Variants in PTPRK observed in about 807,000 individuals in gnomAD.
PTPRK encodes the protein receptor-type tyrosine-protein phosphatase kappa.
PTPRK carries 75 observed loss-of-function variants against 178.0 expected under a neutral mutation model. That is an observed-to-expected ratio of 0.42 (90% confidence interval 0.35 to 0.51). The LOEUF (loss-of-function observed/expected upper bound fraction) is 0.51. Among genes scored for constraint, PTPRK ranks in the 20% least tolerant of loss-of-function variants. The pLI, the probability that PTPRK is intolerant of heterozygous loss-of-function variation, is 0.02. For missense variants in PTPRK, 1,441 were observed against 1,797.8 expected (o/e 0.80, Z 3.59); for synonymous variants, 637 against 620.6 (o/e 1.03, Z -0.39).
chr6:128,290,313 C>CA (rs1411906135), intron 3 of PTPRK, among the ~76,000 whole-genome samples: 2 of 151,794 alleles, frequency 1.3e-5, no homozygotes, highest in South Asian at 2.1e-4. Context: ...AGCTAGCATC[C>CA]AAAAAAACCC....
chr6:128,334,175 T>C (rs983648190), intron 2 of PTPRK, among the ~76,000 whole-genome samples: 1 of 152,116 alleles, frequency 6.6e-6, no homozygotes, highest in African/African-American at 2.4e-5. Context: ...CAGATATAAT[T>C]AACAATAATC....
chr6:128,211,576 A>C (rs753610770), intron 6 of PTPRK, among the ~76,000 whole-genome samples: 5 of 152,108 alleles, frequency 3.3e-5, no homozygotes, highest in Non-Finnish European at 7.4e-5. Context: ...CTTCTACATA[A>C]CATTTTATGC....
intron 15 of PTPRK, among the ~76,000 whole-genome samples, chr6:127,999,565 G>C (rs113875433): frequency 6.6e-6 from 1 of 151,958 alleles, no homozygotes; most frequent in Non-Finnish European, 1.5e-5. Flanking sequence ...TCTTGGCCAC[G>C]CTGCGAGAGA....
At chr6:128,461,327 T>G (rs979434249) in intron 1 of PTPRK, among the ~76,000 whole-genome samples, 82 of 152,134 alleles carry the variant, frequency 5.4e-4, no homozygotes, top group African/African-American at 1.9e-3. Flanking sequence ...TATAAAGGAA[T>G]AAACTGAAGC....
intron 1 of PTPRK, among the ~76,000 whole-genome samples, chr6:128,478,057 G>T (rs1225751182): frequency 6.6e-6 from 1 of 152,110 alleles, no homozygotes; most frequent in Non-Finnish European, 1.5e-5. Flanking sequence ...CTCATTGAAA[G>T]AGAGGGTTTG....
intron 11 of PTPRK, among the ~76,000 whole-genome samples, chr6:128,075,007 A>AG (rs1368071099): frequency 6.6e-6 from 1 of 152,002 alleles, no homozygotes. Flanking sequence ...CAAAAAACAA[A>AG]ACCTTGAATT....
At chr6:128,298,938 T>C (rs954917945) in intron 3 of PTPRK, among the ~76,000 whole-genome samples, 2 of 152,178 alleles carry the variant, frequency 1.3e-5, no homozygotes, top group African/African-American at 4.8e-5. Flanking sequence ...TTGTCCCTGT[T>C]TGCAGACGAC....
At chr6:127,972,304 C>G (rs1274500576) in intron 29 of PTPRK, among the ~76,000 whole-genome samples, 2 of 152,228 alleles carry the variant, frequency 1.3e-5, no homozygotes, top group Non-Finnish European at 1.5e-5. Flanking sequence ...CACTACACAG[C>G]TGCTCCCAAC....
At chr6:128,102,673 T>C (rs934020365) in intron 7 of PTPRK, among the ~76,000 whole-genome samples, 16 of 152,200 alleles carry the variant, frequency 1.1e-4, no homozygotes, top group Non-Finnish European at 2.2e-4. Flanking sequence ...TGAATGTTAA[T>C]CTCCAGCTAA....
In PTPRK at chr6:128,030,112, T is replaced by C. The variant is rs140257339; in HGVS notation, c.2195-20844A>G. 3.5e-3 allele frequency among the ~76,000 whole-genome samples: 523 copies of C among 151,312 alleles called. 3 individuals carry two copies. Among genetic ancestry groups the C allele is most frequent in the African/African-American group, 0.011 (469 of 41,440 alleles). ...GGCTTTTTGTATTCCCCATGTCAGT[T>C]AGTCATCAGATATGAGCTGATAGTG... is the stretch of plus-strand genomic sequence containing the variant. On this transcript the variant is annotated intron_variant, in intron 13 of 29. Coordinates refer to ENST00000368226, the MANE Select transcript of PTPRK (RefSeq NM_002844.4).
intron 1 of PTPRK, among the ~76,000 whole-genome samples, chr6:128,516,897 T>G (rs776188087): frequency 6.6e-6 from 1 of 151,724 alleles, no homozygotes; most frequent in Non-Finnish European, 1.5e-5. Context: ...GGAATGTTAA[T>G]AGTGACTCTT....
At chr6:128,245,071 G>T (rs1815207003) in intron 3 of PTPRK, among the ~76,000 whole-genome samples, 1 of 152,116 alleles carries the variant, frequency 6.6e-6, no homozygotes, top group East Asian at 1.9e-4. Context: ...CCAAGCTACA[G>T]TCACACACAT....
At position 127,982,815 on chromosome 6, in the gene PTPRK, T is replaced by C; in HGVS notation, c.3537+16A>G. 1 of 1,594,632 alleles carries C rather than the reference T, an allele frequency of 6.3e-7. No individual in the cohort carries two copies. Among genetic ancestry groups the C allele is most frequent in the South Asian group, 1.1e-5 (1 of 88,804 alleles). On this transcript the variant is annotated intron_variant, in intron 24 of 29. Coordinates refer to ENST00000368226, the MANE Select transcript of PTPRK (RefSeq NM_002844.4). ...TTGTAGTAAGTCACAAAAGAGGTTT[T>C]AGAAATAGTTAATACCTGAAATTCA...
intron 3 of PTPRK, among the ~76,000 whole-genome samples, chr6:128,318,535 C>A (rs1009557001): frequency 6.6e-6 from 1 of 152,066 alleles, no homozygotes; most frequent in Admixed American, 6.6e-5. Flanking sequence ...TATCACATTC[C>A]AATTTCTGGA....
chr6:128,361,129 G>A (rs1834683223), intron 2 of PTPRK, among the ~76,000 whole-genome samples: 1 of 151,978 alleles, frequency 6.6e-6, no homozygotes, highest in South Asian at 2.1e-4. Context: ...TAGTTTATAG[G>A]GATTCCAGAA....
At chr6:128,123,922 C>G (rs1379870369) in intron 7 of PTPRK, among the ~76,000 whole-genome samples, 1 of 152,146 alleles carries the variant, frequency 6.6e-6, no homozygotes, top group Non-Finnish European at 1.5e-5. Context: ...CATCATACCA[C>G]AGCAAGAGCG....
At chr6:128,486,972 A>G (rs187865601) in intron 1 of PTPRK, among the ~76,000 whole-genome samples, 2 of 151,800 alleles carry the variant, frequency 1.3e-5, no homozygotes, top group East Asian at 3.9e-4. Context: ...AAAAGAAAAA[A>G]TGTATTGACT....
In PTPRK at chr6:128,067,592, C is replaced by A; in HGVS notation, c.2084G>T (p.Gly695Val). 1 of 1,612,820 alleles carries A rather than the reference C, an allele frequency of 6.2e-7. No homozygotes were observed. Among genetic ancestry groups the A allele is most frequent in the Non-Finnish European group, 8.5e-7 (1 of 1,179,154 alleles). The part of the protein sequence containing the change: ...FTVGDNRTYQ[G>V]FWNPPLAPRK... ...CGGAGCCAAAGGAGGGTTCCAAAAG[C>A]CTTGGTAGGTCCGATTGTCACCCAC... Residue 695 changes from glycine to valine, a missense_variant, in exon 12 of 30, where the codon GGC becomes GTC. Around this residue, in one of 4 missense-constraint regions of PTPRK, gnomAD observed 945 missense variants for 1,080.6 expected, o/e 0.87. Coordinates refer to ENST00000368226, the MANE Select transcript of PTPRK (RefSeq NM_002844.4).
rs183085830 is a variant in PTPRK at position 128,520,250 on chromosome 6, G to A, written c.100+9C>T. 1.3e-6 allele frequency: 2 copies of A among 1,578,754 alleles called. No individual in the cohort carries two copies. The highest frequency in any genetic ancestry group is 1.3e-5 in the African/African-American group (1 of 74,144). ...AGGCGTTCGTCGGGGACGCCCCCCG[G>A]CCACTCACCTGCGGAGAACTGGCCT... On this transcript the variant is annotated intron_variant, in intron 1 of 29. Transcript: ENST00000368226.
Sources: gnomAD v4.1 joint callset for allele counts (sites outside exome capture counted in the v4.1 genomes callset) on GRCh38, gnomAD v4.1.1 for gene constraint, gnomAD v4.1.1 regional missense constraint, MANE v1.5 for transcripts, NCBI Gene and HGNC (gene_info 2026-07-23, HGNC 2026-07-21) for gene names.